Variants in PTPRQ observed in about 807,000 individuals in gnomAD.
The protein encoded by PTPRQ is protein tyrosine phosphatase receptor type Q.
PTPRQ carries 199 observed loss-of-function variants against 246.0 expected under a neutral mutation model. That is an observed-to-expected ratio of 0.81 (90% CI 0.72 to 0.91). The LOEUF (loss-of-function observed/expected upper bound fraction) is 0.91. Ranked by LOEUF, PTPRQ falls within the 40% of genes least tolerant of loss-of-function variation. The pLI, the probability that PTPRQ is intolerant of heterozygous loss-of-function variation, is 0.00. For synonymous variants in PTPRQ, 869 were observed against 853.2 expected, an observed-to-expected ratio of 1.02 and a Z score of -0.32; for missense variants, 2,624 against 2,528.4, an observed-to-expected ratio of 1.04 and a Z score of -0.81.
At chr12:80,454,461 C>G (rs1430464002) in intron 3 of PTPRQ, 2 of 670,954 alleles carry the variant, frequency 3.0e-6, no homozygotes, top group Admixed American at 2.2e-5. Context: ...CCTTTTATTT[C>G]TTTCTCTTGC....
intron 26 of PTPRQ, among the ~76,000 whole-genome samples, chr12:80,600,179 C>A (rs544825441): frequency 9.2e-4 from 139 of 151,860 alleles, no homozygotes; most frequent in African/African-American, 3.2e-3. Context: ...AATGATTGAT[C>A]AGTGCAAGGA....
At chr12:80,580,947 C>A (rs1398000923) in intron 25 of PTPRQ, among the ~76,000 whole-genome samples, 1 of 152,130 alleles carries the variant, frequency 6.6e-6, no homozygotes, top group Non-Finnish European at 1.5e-5. Context: ...TCTCTGAAAG[C>A]TTAATTGGAG....
At chr12:80,458,539 T>A (rs1893048006) in intron 4 of PTPRQ, among the ~76,000 whole-genome samples, 1 of 122,734 alleles carries the variant, frequency 8.1e-6, no homozygotes. Context: ...CTATCACTTA[T>A]TTTTTTTTTA....
chr12:80,493,528 G>A (rs1412005949), intron 10 of PTPRQ, 73 bp downstream of exon 10: 3 of 1,440,320 alleles, frequency 2.1e-6, no homozygotes, highest in Admixed American at 2.7e-5. Context: ...ATGAACCTAA[G>A]CTTAGAGTTC....
At position 80,495,105 on chromosome 12, in the gene PTPRQ, ATTTC is replaced by A; in HGVS notation, c.1702+12_1702+15del. On this transcript the variant is annotated intron_variant, in intron 11 of 44. Transcript: ENST00000644991. ...GGACACGTCAGCAAGGTAAGGATGTATTTCCTTTGAAACAATTAACTGCAAATAT... is the reference window on the plus strand; with the variant it reads ...GGACACGTCAGCAAGGTAAGGATGTACTTTGAAACAATTAACTGCAAATAT... The A allele has an allele frequency of 6.5e-7, 1 of 1,550,372 alleles. No individual in the cohort carries two copies. The highest frequency in any genetic ancestry group is 8.7e-7 in the Non-Finnish European group (1 of 1,146,154).
intron 31 of PTPRQ, 128 bp from the exon 32 acceptor site, chr12:80,620,026 T>C: frequency 8.2e-7 from 1 of 1,220,034 alleles, no homozygotes. Context: ...GTGGATCACT[T>C]GAATTATCTC....
intron 25 of PTPRQ, among the ~76,000 whole-genome samples, chr12:80,579,186 T>C (rs1237574779): frequency 6.6e-6 from 1 of 152,206 alleles, no homozygotes; most frequent in African/African-American, 2.4e-5. Context: ...ACAAGTGATA[T>C]GAAGGCTCAG....
chr12:80,602,570 CAG>C (rs1237693538), intron 26 of PTPRQ, among the ~76,000 whole-genome samples: 4 of 151,738 alleles, frequency 2.6e-5, no homozygotes, highest in Non-Finnish European at 5.9e-5. Flanking sequence ...CAGTGGAAAG[CAG>C]AAGAGCAAGC....
At chr12:80,629,124 G>A (rs1045784248) in intron 33 of PTPRQ, among the ~76,000 whole-genome samples, 5 of 151,724 alleles carry the variant, frequency 3.3e-5, no homozygotes, top group Admixed American at 2.0e-4. Flanking sequence ...AATATGGTGG[G>A]GGGAGGAGGA....
chr12:80,551,700 G>A (rs1036806951), intron 25 of PTPRQ, among the ~76,000 whole-genome samples: 9 of 151,972 alleles, frequency 5.9e-5, no homozygotes, highest in South Asian at 2.1e-4. Flanking sequence ...AGAATCCATC[G>A]CTAATTAGAA....
chr12:80,501,144 T>C (rs1894787467), intron 14 of PTPRQ, among the ~76,000 whole-genome samples: 1 of 151,686 alleles, frequency 6.6e-6, no homozygotes, highest in African/African-American at 2.4e-5. Context: ...ACAGTGTGAG[T>C]TGGGGTAGAG....
At chr12:80,661,111 CA>C (rs1371780224) in intron 39 of PTPRQ, among the ~76,000 whole-genome samples, 1 of 151,640 alleles carries the variant, frequency 6.6e-6, no homozygotes, top group African/African-American at 2.4e-5. Context: ...AACACACATG[CA>C]TGTTTATATA....
chr12:80,489,323 G>A (rs975062410), intron 9 of PTPRQ, among the ~76,000 whole-genome samples: 12 of 151,736 alleles, frequency 7.9e-5, no homozygotes, highest in African/African-American at 2.9e-4. Context: ...CTAGTTTTGT[G>A]AACTTGAACA....
intron 26 of PTPRQ, among the ~76,000 whole-genome samples, chr12:80,589,805 C>T (rs938942217): frequency 2.0e-5 from 3 of 152,134 alleles, no homozygotes; most frequent in African/African-American, 7.2e-5. Context: ...TTTTCTCCTA[C>T]CTTCCTGGTA....
intron 17 of PTPRQ, among the ~76,000 whole-genome samples, chr12:80,520,057 C>A (rs1289001357): frequency 1.3e-5 from 2 of 152,046 alleles, no homozygotes; most frequent in Non-Finnish European, 2.9e-5. Context: ...ATGTCTTAAC[C>A]CTTGCCTGAC....
intron 41 of PTPRQ, 22 bp from the exon 42 acceptor site, chr12:80,670,322 A>G: frequency 1.3e-6 from 2 of 1,547,204 alleles, no homozygotes; most frequent in Non-Finnish European, 1.7e-6. Context: ...TTTGTCATTC[A>G]TTAATCCGTC....
intron 35 of PTPRQ, among the ~76,000 whole-genome samples, chr12:80,645,887 G>A (rs1900055605): frequency 6.6e-6 from 1 of 151,912 alleles, no homozygotes; most frequent in Admixed American, 6.6e-5. Context: ...CAGAAATGTG[G>A]GCATGGTTAG....
chr12:80,477,915 T>A (rs1893875662), intron 8 of PTPRQ, among the ~76,000 whole-genome samples: 1 of 151,992 alleles, frequency 6.6e-6, no homozygotes, highest in Non-Finnish European at 1.5e-5. Context: ...AGTACAGCAG[T>A]CTGAGATCAA....
intron 27 of PTPRQ, among the ~76,000 whole-genome samples, chr12:80,605,716 A>G (rs1233286672): frequency 6.6e-6 from 1 of 151,142 alleles, no homozygotes; most frequent in African/African-American, 2.4e-5. Context: ...TTCAAGAAAA[A>G]TCAAGTCTTT....
Sources: gnomAD v4.1 joint callset for allele counts (sites outside exome capture counted in the v4.1 genomes callset) on GRCh38, gnomAD v4.1.1 for gene constraint, MANE v1.5 for transcripts, NCBI Gene and HGNC (gene_info 2026-07-23, HGNC 2026-07-21) for gene names.